The following PUS10 variants were observed in gnomAD, a reference collection of about 807,000 sequenced individuals.
The protein encoded by PUS10 is pseudouridine synthase 10.
In PUS10, 59 loss-of-function variants were observed where a neutral mutation model predicts 75.0. The observed-to-expected ratio is 0.79, with a 90% CI of 0.64 to 0.98. The LOEUF (loss-of-function observed/expected upper bound fraction) is 0.98, where lower values mean the gene tolerates loss of function less well. PUS10 is among the 50% of genes least tolerant of loss of function. PUS10 has a pLI of 0.00. For synonymous variants in PUS10, 219 were observed against 211.6 expected, an observed-to-expected ratio of 1.03 and a Z score of -0.30; for missense variants, 650 against 614.4, an observed-to-expected ratio of 1.06 and a Z score of -0.61.
rs748692917 is a variant in PUS10, at chr2:60,954,179, A to G, written c.1058-21T>C. The G allele has an allele frequency of 5.6e-6, 9 of 1,612,804 alleles. No homozygotes were observed. In the Admixed American group the frequency reaches 1.0e-4, roughly 18 times the overall value. ...CCTTCCTGGCAGCACACACCCCGTC[A>G]TGAAACAGAAACGTGTTGATGGAGT... On this transcript the variant is annotated intron_variant, in intron 12 of 17. Transcript: ENST00000316752.
chr2:60,947,405 A>C (rs980140340), intron 16 of PUS10, among the ~76,000 whole-genome samples: 17 of 152,238 alleles, frequency 1.1e-4, no homozygotes, highest in Non-Finnish European at 2.2e-4. Flanking sequence ...AAAAAATGTC[A>C]AGACAGCAAA....
intron 1 of PUS10, among the ~76,000 whole-genome samples, chr2:61,013,892 G>A (rs1027154906): frequency 8.5e-5 from 13 of 152,056 alleles, no homozygotes; most frequent in Admixed American, 2.6e-4. Context: ...GGGTGTGGTG[G>A]CTGGCGCCTG....
chr2:60,966,061 T>C (rs1676319631), intron 6 of PUS10: 1 of 152,112 alleles, frequency 6.6e-6, no homozygotes. Context: ...CATTAACAAT[T>C]TGATGTTTCT....
intron 2 of PUS10, chr2:61,009,846 A>C (rs972175615): frequency 7.2e-5 from 11 of 152,404 alleles, no homozygotes; most frequent in African/African-American, 2.2e-4. Context: ...CTTTCACTCA[A>C]ACAAATTTAA....
chr2:61,008,263 T>A (rs1573519360), intron 3 of PUS10, among the ~76,000 whole-genome samples: 1 of 150,194 alleles, frequency 6.7e-6, no homozygotes, highest in East Asian at 2.0e-4. Flanking sequence ...GTGGCTCATG[T>A]CTGTAATCCC....
intron 15 of PUS10, among the ~76,000 whole-genome samples, chr2:60,948,974 T>C (rs952189507): frequency 2.0e-5 from 3 of 152,222 alleles, no homozygotes; most frequent in Non-Finnish European, 4.4e-5. Flanking sequence ...CTAATTTCCA[T>C]GGTTCTTGAG....
intron 10 of PUS10, 35 bp downstream of exon 10, chr2:60,961,428 C>T: frequency 6.7e-7 from 1 of 1,483,444 alleles, no homozygotes; most frequent in Admixed American, 1.7e-5. Context: ...AGAGTACGTT[C>T]ACAGTGTATG....
At chr2:61,012,905 C>A (rs1159726875) in intron 1 of PUS10, among the ~76,000 whole-genome samples, 1 of 124,716 alleles carries the variant, frequency 8.0e-6, no homozygotes, top group Non-Finnish European at 1.6e-5. Flanking sequence ...CACACATATG[C>A]CTATTACTCA....
chr2:60,977,146 A>G (rs940090932), intron 4 of PUS10, among the ~76,000 whole-genome samples: 5 of 151,948 alleles, frequency 3.3e-5, no homozygotes, highest in African/African-American at 1.2e-4. Flanking sequence ...ATGCCCGGGA[A>G]TGGTGTTTGA....
chr2:60,953,921 G>C lies in PUS10; in HGVS notation c.1190+12C>G, dbSNP rs746747976. On this transcript the variant is annotated intron_variant, in intron 14 of 17. Transcript: ENST00000316752. Reference sequence around the variant, plus strand: ...TCCCTTTTGAAATCATCTCCAATGAGCCTACTCTTACCTTGTGACAAGCTG... The same window carrying C: ...TCCCTTTTGAAATCATCTCCAATGACCCTACTCTTACCTTGTGACAAGCTG... 6.2e-7 allele frequency: 1 copy of C among 1,611,178 alleles called. No individual in the cohort carries two copies. The highest frequency in any genetic ancestry group is 1.1e-5 in the South Asian group (1 of 91,016).
intron 4 of PUS10, among the ~76,000 whole-genome samples, chr2:60,975,073 T>C (rs1676949082): frequency 6.6e-6 from 1 of 152,242 alleles, no homozygotes; most frequent in African/African-American, 2.4e-5. Context: ...GTAGTAGTAT[T>C]ACAAGACCCC....
chr2:60,964,797 T>A (rs966198544), intron 8 of PUS10, among the ~76,000 whole-genome samples: 1 of 152,208 alleles, frequency 6.6e-6, no homozygotes, highest in African/African-American at 2.4e-5. Flanking sequence ...GAAACACTGA[T>A]TCTAAATTTA....
chr2:61,015,027 A>AT (rs1235173779), intron 1 of PUS10, among the ~76,000 whole-genome samples: 1 of 152,206 alleles, frequency 6.6e-6, no homozygotes, highest in Non-Finnish European at 1.5e-5. Context: ...ATTCAGGGGA[A>AT]TATGTGAGTC....
In PUS10 at chr2:60,945,210, GA is replaced by G. The variant is rs1233981254; in HGVS notation, c.1452-103del. Reference sequence around the variant, plus strand: ...TAATAAGAGCAGAAATGTTACAAAAGAAAGGTTACTTCTGAGCTCTGACTTG... The same window carrying G: ...TAATAAGAGCAGAAATGTTACAAAAGAAGGTTACTTCTGAGCTCTGACTTG... On this transcript the variant is annotated intron_variant, in intron 16 of 17. Coordinates refer to ENST00000316752, the MANE Select transcript of PUS10 (RefSeq NM_144709.4). The G allele has an allele frequency of 5.3e-6, 4 of 757,368 alleles. No individual in the cohort carries two copies. The South Asian group carries it at 6.4e-5, about 12-fold the overall frequency. 46.9% of individuals were successfully genotyped at this position (757,368 alleles called of 1,614,324 possible). A position where few individuals can be genotyped will look rare whatever the true frequency, so the allele number is the denominator to read the frequency against.
intron 4 of PUS10, among the ~76,000 whole-genome samples, chr2:60,974,833 G>T (rs957499105): frequency 6.6e-6 from 1 of 152,212 alleles, no homozygotes; most frequent in Admixed American, 6.5e-5. Flanking sequence ...GCTGCTCCAC[G>T]CCTGGCTTGC....
chr2:61,001,557 A>C (rs982042668), intron 4 of PUS10, among the ~76,000 whole-genome samples: 1 of 152,212 alleles, frequency 6.6e-6, no homozygotes, highest in African/African-American at 2.4e-5. Context: ...GATTATAGGC[A>C]TGAGCCAACA....
At chr2:60,995,114 T>G (rs917651897) in intron 4 of PUS10, among the ~76,000 whole-genome samples, 1 of 151,818 alleles carries the variant, frequency 6.6e-6, no homozygotes, top group Non-Finnish European at 1.5e-5. Context: ...AACTTTGGAG[T>G]TTAATAGATC....
At chr2:60,955,684 C>A (rs1377140965) in intron 11 of PUS10, among the ~76,000 whole-genome samples, 1 of 152,090 alleles carries the variant, frequency 6.6e-6, no homozygotes, top group Non-Finnish European at 1.5e-5. Flanking sequence ...AATAAAAGAA[C>A]ACCAAGCTTC....
At chr2:60,969,834 C>G (rs1164116166) in intron 5 of PUS10, among the ~76,000 whole-genome samples, 1 of 152,164 alleles carries the variant, frequency 6.6e-6, no homozygotes, top group Non-Finnish European at 1.5e-5. Flanking sequence ...TGCCTGTAAT[C>G]CCAGCACTTT....
Sources: allele counts gnomAD v4.1 joint callset (sites outside exome capture counted in the v4.1 genomes callset), GRCh38; gene constraint gnomAD v4.1.1; transcripts MANE v1.5; gene names NCBI Gene and HGNC (gene_info 2026-07-23, HGNC 2026-07-21).